The following SPRED1 variants were observed in gnomAD, a reference collection of about 807,000 sequenced individuals.
The protein encoded by SPRED1 is sprouty related EVH1 domain containing 1.
Under a neutral mutation model 52.3 loss-of-function variants are expected in SPRED1, and 18 were observed. The observed-to-expected ratio is 0.34, with a 90% CI of 0.24 to 0.51. SPRED1 has a LOEUF of 0.51. Ranked by LOEUF, SPRED1 falls within the 20% of genes least tolerant of loss-of-function variation. The probability of loss-of-function intolerance (pLI) is 0.97; values close to 1 mark genes in which losing one functional copy is unlikely to be tolerated. For synonymous variants in SPRED1, 155 were observed against 179.7 expected (o/e 0.86, Z 1.10); for missense variants, 485 against 551.0 (o/e 0.88, Z 1.20).
intron 4 of SPRED1, among the ~76,000 whole-genome samples, chr15:38,328,307 C>A (rs1036981855): frequency 1.3e-5 from 2 of 152,100 alleles, no homozygotes; most frequent in Non-Finnish European, 2.9e-5. Context: ...AGTGGAAATC[C>A]TCTCCCTTTT....
At position 38,253,211 on chromosome 15, in the gene SPRED1, A is replaced by G. The variant is rs200157475; in HGVS notation, c.26A>G (p.Asp9Gly). Residue 9 changes from aspartate to glycine, a missense_variant, in exon 1 of 7, where the codon GAC (aspartate) becomes GGC (glycine). By Grantham distance (94) the Asp-to-Gly change is moderately conservative (BLOSUM62 -1). Transcript: ENST00000299084. ...ATGAGCGAGGAGACGGCGACTTCTG[A>G]CAACGAGTAAGCGCCTCATTGATCT... MSEETATS[D>G]NDNSYARVRA... The G allele has an allele frequency of 6.3e-7, 1 of 1,578,302 alleles. No individual in the cohort carries two copies. The highest frequency in any genetic ancestry group is 1.8e-5 in the Admixed American group (1 of 55,606).
chr15:38,344,406 G>T (rs1896088663), intron 5 of SPRED1, among the ~76,000 whole-genome samples: 1 of 152,112 alleles, frequency 6.6e-6, no homozygotes, highest in South Asian at 2.1e-4. Context: ...TTGATTGATG[G>T]GGAAAAAGAA....
intron 1 of SPRED1, among the ~76,000 whole-genome samples, chr15:38,280,861 A>G (rs4457952): frequency 0.87 from 131,900 of 152,168 alleles, 57,278 homozygotes; most frequent in Non-Finnish European, 0.9. Flanking sequence ...ACAGTGAATC[A>G]CTTTGCTAGT....
intron 5 of SPRED1, 53 bp downstream of exon 5, chr15:38,339,948 A>T: frequency 1.2e-6 from 2 of 1,606,070 alleles, no homozygotes; most frequent in Admixed American, 1.7e-5. Context: ...TAGAAATTGA[A>T]TGATGTCATA....
intron 1 of SPRED1, among the ~76,000 whole-genome samples, chr15:38,283,127 G>C (rs887917686): frequency 3.9e-5 from 6 of 152,168 alleles, no homozygotes; most frequent in African/African-American, 1.4e-4. Flanking sequence ...GCATGGCTAG[G>C]AGGCCACGGG....
At chr15:38,281,811 A>C (rs1894696150) in intron 1 of SPRED1, among the ~76,000 whole-genome samples, 1 of 152,056 alleles carries the variant, frequency 6.6e-6, no homozygotes, top group African/African-American at 2.4e-5. Flanking sequence ...ACATGCTGTA[A>C]AGTTTGGGAT....
At chr15:38,334,854 A>G (rs1018532908) in intron 4 of SPRED1, among the ~76,000 whole-genome samples, 3 of 149,946 alleles carry the variant, frequency 2.0e-5, no homozygotes, top group Non-Finnish European at 3.0e-5. Context: ...TATACAGTCA[A>G]TCTCTCAAAG....
At chr15:38,306,836 T>C (rs1159814680) in intron 2 of SPRED1, among the ~76,000 whole-genome samples, 1 of 152,216 alleles carries the variant, frequency 6.6e-6, no homozygotes, top group Non-Finnish European at 1.5e-5. Flanking sequence ...ATTTCCTCTT[T>C]CTTCTTTCAA....
chr15:38,307,687 A>G lies in SPRED1; in HGVS notation c.207+8140A>G, dbSNP rs182854399. ...TTTGTCTGTTGATTGTTAGTTGAGT[A>G]GTATTCTATGATATGCATGTACACT... On this transcript the variant is annotated intron_variant, in intron 2 of 6. Coordinates refer to ENST00000299084, the MANE Select transcript of SPRED1 (RefSeq NM_152594.3). 3.9e-4 allele frequency among the ~76,000 whole-genome samples: 60 copies of G among 152,260 alleles called. 1 individual carries two copies. In the East Asian group the frequency reaches 0.011, roughly 28 times the overall value.
At chr15:38,328,791 C>T (rs1356422631) in intron 4 of SPRED1, among the ~76,000 whole-genome samples, 2 of 152,034 alleles carry the variant, frequency 1.3e-5, no homozygotes, top group Admixed American at 1.3e-4. Context: ...ATGATCTCAG[C>T]TCACTGTAGC....
intron 1 of SPRED1, among the ~76,000 whole-genome samples, chr15:38,265,624 T>C (rs1005640502): frequency 6.6e-6 from 1 of 152,070 alleles, no homozygotes; most frequent in Non-Finnish European, 1.5e-5. Flanking sequence ...CTAAGTAGTT[T>C]TTTTTTTAAT....
chr15:38,353,242 A>G lies in SPRED1; in HGVS notation c.*1578A>G, dbSNP rs1465877030. On this transcript the variant is annotated 3_prime_UTR_variant, in exon 7 of 7. Transcript: ENST00000299084. ...GGTTTTTAAACGTCATTTATGTATC[A>G]TTCTTTTTATATATCACACTTAAGC... 1 of 152,472 alleles carries G rather than the reference A, an allele frequency of 6.6e-6. No individual in the cohort carries two copies. The highest frequency in any genetic ancestry group is 1.5e-5 in the Non-Finnish European group (1 of 67,918). The allele number at this position is 152,472 out of a possible 1,614,324, so 9.4% of individuals were successfully genotyped here. A position where few individuals can be genotyped will look rare whatever the true frequency, so the allele number is the denominator to read the frequency against.
intron 4 of SPRED1, among the ~76,000 whole-genome samples, chr15:38,326,769 C>T (rs1338369100): frequency 6.6e-6 from 1 of 152,098 alleles, no homozygotes; most frequent in Non-Finnish European, 1.5e-5. Flanking sequence ...ATTCCACTGG[C>T]AGGAAGCAAG....
intron 5 of SPRED1, among the ~76,000 whole-genome samples, chr15:38,347,487 A>ATTTTTTT (rs1896165658): frequency 2.4e-5 from 1 of 41,782 alleles, no homozygotes; most frequent in African/African-American, 1.1e-4. Context: ...TTTTTTTTTC[A>ATTTTTTT]ATTTGGCTGT....
chr15:38,346,019 G>GT (rs1484204010), intron 5 of SPRED1, among the ~76,000 whole-genome samples: 9 of 152,150 alleles, frequency 5.9e-5, no homozygotes, highest in Non-Finnish European at 1.2e-4. Context: ...TCTTTGACTC[G>GT]TTTTTTAATG....
chr15:38,344,445 C>T lies in SPRED1; in HGVS notation c.582+4550C>T, dbSNP rs1896089680. Among the ~76,000 whole-genome samples, 4 of 151,974 alleles carry T rather than the reference C, an allele frequency of 2.6e-5. No individual in the cohort carries two copies. In the South Asian group the frequency reaches 8.3e-4, roughly 32 times the overall value. ...AACTCTTCTCCCAAAATAGTGATGG[C>T]GGTTATGATGGGGTGGTTGAAGAAT... On this transcript the variant is annotated intron_variant, in intron 5 of 6. Transcript: ENST00000299084.
intron 1 of SPRED1, among the ~76,000 whole-genome samples, chr15:38,289,194 C>T (rs1284908003): frequency 1.3e-5 from 2 of 148,858 alleles, no homozygotes; most frequent in African/African-American, 2.5e-5. Flanking sequence ...TTGTATTCCA[C>T]GTTTAAGAAA....
chr15:38,334,416 A>G (rs1003668175), intron 4 of SPRED1, among the ~76,000 whole-genome samples: 29 of 152,110 alleles, frequency 1.9e-4, no homozygotes, highest in African/African-American at 6.3e-4. Context: ...TACACGTTCT[A>G]TTATTCTTTG....
chr15:38,301,508 T>G (rs903749550), intron 2 of SPRED1, among the ~76,000 whole-genome samples: 3 of 152,108 alleles, frequency 2.0e-5, no homozygotes, highest in African/African-American at 7.2e-5. Flanking sequence ...CAGTCAGAAA[T>G]TTGCCATATT....
Sources: allele counts gnomAD v4.1 joint callset (sites outside exome capture counted in the v4.1 genomes callset), GRCh38; gene constraint gnomAD v4.1.1; transcripts MANE v1.5; gene names NCBI Gene and HGNC (gene_info 2026-07-23, HGNC 2026-07-21).